The following NRXN3 variants were observed in gnomAD, a reference collection of about 807,000 sequenced individuals.
NRXN3 encodes neurexin III.
In NRXN3, 32 loss-of-function variants were observed where a neutral mutation model predicts 137.6. The ratio of observed to expected loss-of-function variants is 0.23; its 90% CI spans 0.18 to 0.31. The LOEUF (loss-of-function observed/expected upper bound fraction) is 0.31. Ranked by LOEUF, NRXN3 falls within the 10% of genes least tolerant of loss-of-function variation. The probability of loss-of-function intolerance (pLI) is 1.00; values close to 1 mark genes in which losing one functional copy is unlikely to be tolerated. For missense variants in NRXN3, 1,574 were observed against 2,062.5 expected (o/e 0.76, Z 4.59); for synonymous variants, 798 against 784.5 (o/e 1.02, Z -0.29).
At chr14:78,572,941 T>A (rs1213168156) in intron 4 of NRXN3, among the ~76,000 whole-genome samples, 1 of 152,176 alleles carries the variant, frequency 6.6e-6, no homozygotes, top group Non-Finnish European at 1.5e-5. Flanking sequence ...CACCTTGAAT[T>A]GTAATAATCC....
intron 4 of NRXN3, among the ~76,000 whole-genome samples, chr14:78,374,727 G>A (rs560876382): frequency 2.1e-4 from 30 of 145,698 alleles, no homozygotes; most frequent in Middle Eastern, 3.8e-3. Context: ...CTGAGATTGC[G>A]CCACTGTACT....
chr14:78,572,140 T>TA (rs1467560935), intron 4 of NRXN3, among the ~76,000 whole-genome samples: 1 of 152,030 alleles, frequency 6.6e-6, no homozygotes, highest in African/African-American at 2.4e-5. Context: ...AGAGTTGGGG[T>TA]AAAAAAAGTA....
At chr14:78,405,713 G>A (rs1488945095) in intron 4 of NRXN3, among the ~76,000 whole-genome samples, 3 of 152,108 alleles carry the variant, frequency 2.0e-5, no homozygotes, top group East Asian at 1.9e-4. Context: ...TTGCTGGGTC[G>A]ACCTGGCTCA....
In NRXN3 at chr14:78,966,287, T is replaced by C. The variant is rs766669589; in HGVS notation, c.2658T>C (p.Thr886=). 6.2e-7 allele frequency: 1 copy of C among 1,614,172 alleles called. No individual in the cohort carries two copies. Among genetic ancestry groups the C allele is most frequent in the South Asian group, 1.1e-5 (1 of 91,086 alleles). Residue 886 remains threonine (T), a synonymous_variant, in exon 12 of 21, where the codon ACT becomes ACC. Coordinates refer to ENST00000335750, the MANE Select transcript of NRXN3 (RefSeq NM_001330195.2). Reference sequence around the variant, plus strand: ...AGAGCAGCTACCTGAGCCTTGCCACTCTTCAGGCTTACACCTCCATGCACC... The same window carrying C: ...AGAGCAGCTACCTGAGCCTTGCCACCCTTCAGGCTTACACCTCCATGCACC... The part of the protein sequence containing the change: ...KTKSSYLSLA[T]LQAYTSMHLF...
chr14:78,250,632 T>A (rs927268663), intron 2 of NRXN3, among the ~76,000 whole-genome samples: 1 of 152,164 alleles, frequency 6.6e-6, no homozygotes, highest in Admixed American at 6.5e-5. Context: ...AGCCACCCAG[T>A]GAGGCAGGTA....
chr14:78,268,684 C>A (rs889493719), intron 2 of NRXN3, among the ~76,000 whole-genome samples: 1 of 152,108 alleles, frequency 6.6e-6, no homozygotes, highest in Non-Finnish European at 1.5e-5. Context: ...TTATGAGATG[C>A]CTGAACTTGG....
chr14:79,261,633 GT>G (rs2077595432), intron 15 of NRXN3, among the ~76,000 whole-genome samples: 1 of 138,382 alleles, frequency 7.2e-6, no homozygotes, highest in Non-Finnish European at 1.6e-5. Flanking sequence ...GTGTGTGTGT[GT>G]GTGTGTGTGA....
intron 10 of NRXN3, among the ~76,000 whole-genome samples, chr14:78,846,222 G>A (rs1392696416): frequency 6.6e-6 from 1 of 151,980 alleles, no homozygotes; most frequent in East Asian, 1.9e-4. Flanking sequence ...TCCTCTCTGT[G>A]AATGTTTTCC....
chr14:79,770,610 G>A (rs888879534), intron 19 of NRXN3, among the ~76,000 whole-genome samples: 1 of 150,288 alleles, frequency 6.7e-6, no homozygotes, highest in Non-Finnish European at 1.5e-5. Context: ...GAATCTCTGG[G>A]ACACATTCAA....
rs376597320 is a variant in NRXN3 at position 78,853,259 on chromosome 14, T to G, written c.2275+42915T>G. ...CAGGCCCCGGTGTGTGATGTTCCCCTTCCTCTGTCCAAGAGTTCTCATTGT... is the reference window on the plus strand; with the variant it reads ...CAGGCCCCGGTGTGTGATGTTCCCCGTCCTCTGTCCAAGAGTTCTCATTGT... On this transcript the variant is annotated intron_variant, in intron 10 of 20. Transcript: ENST00000335750. 3.9e-5 allele frequency among the ~76,000 whole-genome samples: 6 copies of G among 152,258 alleles called. No homozygotes were observed. The East Asian group carries it at 1.2e-3, about 29-fold the overall frequency.
chr14:78,947,635 T>A (rs1431111682), intron 10 of NRXN3, among the ~76,000 whole-genome samples: 3 of 152,208 alleles, frequency 2.0e-5, no homozygotes, highest in Non-Finnish European at 4.4e-5. Context: ...CCTCCATGGT[T>A]CAGAGTGAAG....
intron 15 of NRXN3, among the ~76,000 whole-genome samples, chr14:79,220,053 T>C (rs2069268802): frequency 1.3e-5 from 2 of 152,178 alleles, no homozygotes; most frequent in Non-Finnish European, 2.9e-5. Context: ...CATTGGAATG[T>C]AGTTTATAGT....
intron 16 of NRXN3, among the ~76,000 whole-genome samples, chr14:79,560,756 G>A (rs1279981331): frequency 6.6e-6 from 1 of 151,938 alleles, no homozygotes. Flanking sequence ...GGCCAGGCTG[G>A]TCTTGAACCC....
intron 15 of NRXN3, among the ~76,000 whole-genome samples, chr14:79,218,134 G>A (rs2068866947): frequency 6.6e-6 from 1 of 152,074 alleles, no homozygotes; most frequent in Non-Finnish European, 1.5e-5. Context: ...TAAGAATGTA[G>A]AATATTTGTA....
intron 4 of NRXN3, among the ~76,000 whole-genome samples, chr14:78,621,743 C>T (rs997591832): frequency 3.3e-5 from 5 of 152,116 alleles, no homozygotes; most frequent in African/African-American, 7.2e-5. Context: ...CTATGTGTTT[C>T]GGTTGATGTA....
chr14:79,295,923 T>C (rs1006813212), intron 15 of NRXN3, among the ~76,000 whole-genome samples: 3 of 152,144 alleles, frequency 2.0e-5, no homozygotes, highest in African/African-American at 4.8e-5. Flanking sequence ...ATAACAAAAA[T>C]TATTAAACAT....
At chr14:79,853,513 G>A (rs753137575) in intron 20 of NRXN3, 5 of 1,325,224 alleles carry the variant, frequency 3.8e-6, no homozygotes, top group South Asian at 1.2e-5. Flanking sequence ...ATTTGTTTTT[G>A]TATATTGCCC....
intron 15 of NRXN3, among the ~76,000 whole-genome samples, chr14:79,415,639 G>C (rs961668086): frequency 6.6e-6 from 1 of 152,074 alleles, no homozygotes; most frequent in Non-Finnish European, 1.5e-5. Context: ...GTATGCACTA[G>C]TGTGTGTATG....
At chr14:78,347,518 C>T (rs2082914618) in intron 4 of NRXN3, among the ~76,000 whole-genome samples, 1 of 152,102 alleles carries the variant, frequency 6.6e-6, no homozygotes. Flanking sequence ...TGAAATTTCC[C>T]CTTCATTCCC....
Sources: gnomAD v4.1 joint callset for allele counts (sites outside exome capture counted in the v4.1 genomes callset) on GRCh38, gnomAD v4.1.1 for gene constraint, MANE v1.5 for transcripts, NCBI Gene and HGNC (gene_info 2026-07-23, HGNC 2026-07-21) for gene names.